Variants in MXI1 observed in about 807,000 individuals in gnomAD.
The protein encoded by MXI1 is MAX interactor 1, dimerization protein.
Under a neutral mutation model 36.9 loss-of-function variants are expected in MXI1, and 18 were observed. The observed-to-expected ratio is 0.49, with a 90% CI of 0.34 to 0.72. The LOEUF (loss-of-function observed/expected upper bound fraction) is 0.72. Among genes scored for constraint, MXI1 ranks in the 30% least tolerant of loss-of-function variants. The pLI, the probability that MXI1 is intolerant of heterozygous loss-of-function variation, is 0.01. For synonymous variants in MXI1, 160 were observed against 146.7 expected (o/e 1.09, Z -0.65); for missense variants, 304 against 379.1 (o/e 0.80, Z 1.64).
rs192571066 is a variant in MXI1 at position 110,249,351 on chromosome 10, C to T, written c.437+4494C>T. Among the ~76,000 whole-genome samples the T allele has an allele frequency of 3.8e-3, 575 of 151,124 alleles. 6 individuals are homozygous for T. The highest frequency in any genetic ancestry group is 0.014 in the African/African-American group (558 of 40,926). Reference sequence around the variant, plus strand: ...GTGGTTCTGAAATCTTGGATATAAGCTTCTCTGAGTTAGATAAGCTGGAAC... The same window carrying T: ...GTGGTTCTGAAATCTTGGATATAAGTTTCTCTGAGTTAGATAAGCTGGAAC... On this transcript the variant is annotated intron_variant, in intron 3 of 5. Coordinates refer to ENST00000332674, the MANE Select transcript of MXI1 (RefSeq NM_130439.3).
intron 5 of MXI1, among the ~76,000 whole-genome samples, chr10:110,282,624 A>G (rs929582793): frequency 2.0e-5 from 3 of 151,950 alleles, no homozygotes; most frequent in African/African-American, 7.3e-5. Flanking sequence ...CAAATTTCAG[A>G]GAGGAGGGTG....
chr10:110,265,995 A>C (rs953557921), intron 3 of MXI1, among the ~76,000 whole-genome samples: 3 of 152,218 alleles, frequency 2.0e-5, no homozygotes, highest in Admixed American at 6.5e-5. Context: ...CATGGATAAG[A>C]TAGATATAGG....
At chr10:110,210,046 C>A (rs1180841344) in intron 1 of MXI1, among the ~76,000 whole-genome samples, 1 of 140,620 alleles carries the variant, frequency 7.1e-6, no homozygotes, top group Non-Finnish European at 1.6e-5. Flanking sequence ...ACCCCCCACC[C>A]CCCACCCCGC....
At chr10:110,237,370 T>G (rs1412233441) in intron 2 of MXI1, among the ~76,000 whole-genome samples, 2 of 152,218 alleles carry the variant, frequency 1.3e-5, no homozygotes, top group African/African-American at 2.4e-5. Context: ...CCTTCTTCCC[T>G]TATTTGCTAA....
chr10:110,211,679 C>G (rs1854519922), intron 1 of MXI1, among the ~76,000 whole-genome samples: 1 of 152,196 alleles, frequency 6.6e-6, no homozygotes, highest in East Asian at 1.9e-4. Context: ...GAATTACTTC[C>G]AGTGGAGAGG....
intron 3 of MXI1, among the ~76,000 whole-genome samples, chr10:110,246,403 T>G (rs1175013625): frequency 6.6e-6 from 1 of 152,164 alleles, no homozygotes; most frequent in Non-Finnish European, 1.5e-5. Flanking sequence ...TAAGATCTCA[T>G]GACCTTCAAC....
At chr10:110,238,505 C>T (rs1169222185) in intron 2 of MXI1, among the ~76,000 whole-genome samples, 1 of 152,060 alleles carries the variant, frequency 6.6e-6, no homozygotes, top group Non-Finnish European at 1.5e-5. Flanking sequence ...AGATGTTAGT[C>T]TTTGTTTTGT....
chr10:110,209,672 C>A (rs921766339), intron 1 of MXI1, among the ~76,000 whole-genome samples: 1 of 152,082 alleles, frequency 6.6e-6, no homozygotes, highest in African/African-American at 2.4e-5. Flanking sequence ...GGGGATGGGG[C>A]GCGGGAAGCT....
intron 2 of MXI1, 109 bp downstream of exon 2, chr10:110,228,430 C>G (rs531909276): frequency 1.2e-5 from 16 of 1,343,210 alleles, no homozygotes; most frequent in Non-Finnish European, 1.5e-5. Context: ...TACCACTACC[C>G]TGGGGATTTG....
At chr10:110,260,005 A>G (rs1414664791) in intron 3 of MXI1, among the ~76,000 whole-genome samples, 1 of 152,074 alleles carries the variant, frequency 6.6e-6, no homozygotes, top group African/African-American at 2.4e-5. Context: ...ACTCATAAGT[A>G]AATGACTTCC....
At chr10:110,225,417 T>C (rs1854929099) in intron 1 of MXI1, among the ~76,000 whole-genome samples, 1 of 152,166 alleles carries the variant, frequency 6.6e-6, no homozygotes, top group African/African-American at 2.4e-5. Flanking sequence ...GAAGCTGAGG[T>C]GGAAGAAGGG....
chr10:110,239,305 A>G, intron 2 of MXI1, among the ~76,000 whole-genome samples: 1 of 152,054 alleles, frequency 6.6e-6, no homozygotes, highest in Non-Finnish European at 1.5e-5. Flanking sequence ...CCGTTGCTCA[A>G]CTTCTTTCAG....
chr10:110,218,794 G>A (rs1303497419), intron 1 of MXI1, among the ~76,000 whole-genome samples: 2 of 152,190 alleles, frequency 1.3e-5, no homozygotes, highest in Admixed American at 6.5e-5. Context: ...GGAGGCGCCC[G>A]AGCTTGTAGG....
chr10:110,257,176 A>C (rs996182720), intron 3 of MXI1: 3 of 152,348 alleles, frequency 2.0e-5, no homozygotes, highest in African/African-American at 7.2e-5. Context: ...AAAAAAGATG[A>C]TATTGTAGAT....
chr10:110,267,004 TTAAAATC>T (rs1856695815), intron 3 of MXI1, among the ~76,000 whole-genome samples: 1 of 152,206 alleles, frequency 6.6e-6, no homozygotes, highest in Non-Finnish European at 1.5e-5. Flanking sequence ...AGCTGACCCT[TTAAAATC>T]TAAAATCAAA....
At chr10:110,279,028 A>AC (rs1857143765) in intron 3 of MXI1, 152 bp from the exon 4 acceptor site, 2 of 584,638 alleles carry the variant, frequency 3.4e-6, no homozygotes, top group Non-Finnish European at 3.0e-6. Context: ...AAATGCGGCC[A>AC]CCCCTACATT....
intron 3 of MXI1, among the ~76,000 whole-genome samples, chr10:110,255,020 A>C (rs1856236052): frequency 6.6e-6 from 1 of 152,234 alleles, no homozygotes; most frequent in Admixed American, 6.5e-5. Flanking sequence ...GATGCCATCC[A>C]GGACTTTCAT....
At chr10:110,210,773 C>A (rs1156340363) in intron 1 of MXI1, among the ~76,000 whole-genome samples, 4 of 152,242 alleles carry the variant, frequency 2.6e-5, no homozygotes, top group Non-Finnish European at 5.9e-5. Context: ...TCGCTGCACA[C>A]AATGCCCGCG....
chr10:110,280,954 T>A (rs1487686578), intron 5 of MXI1, among the ~76,000 whole-genome samples: 1 of 152,222 alleles, frequency 6.6e-6, no homozygotes, highest in East Asian at 1.9e-4. Context: ...CATTAAAAGA[T>A]CCCAGAGGTG....
Sources: allele counts gnomAD v4.1 joint callset (sites outside exome capture counted in the v4.1 genomes callset), GRCh38; gene constraint gnomAD v4.1.1; transcripts MANE v1.5; gene names NCBI Gene and HGNC (gene_info 2026-07-23, HGNC 2026-07-21).